RGS8: variants seen among roughly 807,000 people sequenced by gnomAD.
RGS8 encodes the protein regulator of G-protein signaling 8.
In RGS8, 8 loss-of-function variants were observed where a neutral mutation model predicts 21.7. The ratio of observed to expected loss-of-function variants is 0.37; its 90% confidence interval spans 0.22 to 0.66. RGS8 has a LOEUF of 0.66. RGS8 is among the 30% of genes least tolerant of loss of function. The pLI, the probability that RGS8 is intolerant of heterozygous loss-of-function variation, is 0.59. For synonymous variants in RGS8, 80 were observed against 83.6 expected (o/e 0.96, Z 0.24); for missense variants, 157 against 217.9 (o/e 0.72, Z 1.76).
intron 5 of RGS8, among the ~76,000 whole-genome samples, chr1:182,656,090 T>C (rs1011437610): frequency 2.0e-5 from 3 of 152,266 alleles, no homozygotes; most frequent in Non-Finnish European, 4.4e-5. Flanking sequence ...TAGTTCATTA[T>C]AAGCAGTCAA....
chr1:182,647,946 G>A (rs1662781837), intron 6 of RGS8, among the ~76,000 whole-genome samples, 191 bp downstream of exon 7: 1 of 152,138 alleles, frequency 6.6e-6, no homozygotes, highest in Non-Finnish European at 1.5e-5. Flanking sequence ...ACTCCTAATG[G>A]AGCTCCTTTG....
the RGS8 span, among the ~76,000 whole-genome samples, chr1:182,751,679 G>A: frequency 1.3e-5 from 2 of 152,032 alleles, no homozygotes. Flanking sequence ...AGCCTAGATT[G>A]GTCTGAATTT....
intron 1 of RGS8, among the ~76,000 whole-genome samples, chr1:182,678,048 A>G (rs1414979531): frequency 1.3e-5 from 2 of 152,246 alleles, no homozygotes; most frequent in African/African-American, 4.8e-5. Context: ...GAGAAAATCT[A>G]AACACTGATT....
At chr1:182,646,498 G>T in exon 7 of RGS8, 1 of 476,402 alleles carries the variant, frequency 2.1e-6, no homozygotes, top group Non-Finnish European at 3.7e-6. Context: ...ACCCAGAAAA[G>T]GGTGACAGCG....
the RGS8 span, among the ~76,000 whole-genome samples, chr1:182,727,134 CAT>C: frequency 6.6e-6 from 1 of 152,208 alleles, no homozygotes; most frequent in Non-Finnish European, 1.5e-5. Flanking sequence ...AGGTATATCT[CAT>C]ATAAGAAATC....
chr1:182,747,253 G>T, the RGS8 span, among the ~76,000 whole-genome samples: 1 of 151,374 alleles, frequency 6.6e-6, no homozygotes, highest in South Asian at 2.1e-4. Flanking sequence ...ATTATGAATT[G>T]AACCAGGAGA....
chr1:182,684,079 T>G lies in RGS8; in HGVS notation n.221+277A>C, dbSNP rs1487499468. ...GCAGGTGTTAGGGGACCTGAGGAGTTAGGGTTGAGGAAGGAGGATGGAGAA... is the reference window on the plus strand; with the variant it reads ...GCAGGTGTTAGGGGACCTGAGGAGTGAGGGTTGAGGAAGGAGGATGGAGAA... On this transcript the variant is annotated intron_variant and non_coding_transcript_variant, in intron 1 of 4. Transcript: ENST00000515211. The surrounding 1 kb of genome is among the most constrained non-coding windows in gnomAD (Gnocchi z 4.2). Among the ~76,000 whole-genome samples, 1 of 152,086 alleles carries G rather than the reference T, an allele frequency of 6.6e-6. No homozygotes were observed. Among genetic ancestry groups the G allele is most frequent in the Non-Finnish European group, 1.5e-5 (1 of 68,002 alleles).
At chr1:182,666,303 T>C (rs1403286609) in intron 4 of RGS8, among the ~76,000 whole-genome samples, 1 of 152,188 alleles carries the variant, frequency 6.6e-6, no homozygotes, top group Admixed American at 6.5e-5. Context: ...AGTACATGAT[T>C]TAAAGGTATC....
intron 5 of RGS8, among the ~76,000 whole-genome samples, chr1:182,662,713 G>C (rs768104464): frequency 6.6e-6 from 1 of 152,154 alleles, no homozygotes. Flanking sequence ...GCCACCCAGC[G>C]TGTAGTCAGC....
At chr1:182,647,285 C>T (rs1032345602) in intron 6 of RGS8, among the ~76,000 whole-genome samples, 9 of 152,216 alleles carry the variant, frequency 5.9e-5, no homozygotes, top group Non-Finnish European at 1.0e-4. Flanking sequence ...GTTGCTAACG[C>T]AAGTCCCCTG....
the RGS8 span, among the ~76,000 whole-genome samples, chr1:182,749,200 T>C: frequency 6.6e-6 from 1 of 152,234 alleles, no homozygotes; most frequent in Admixed American, 6.5e-5. Context: ...TCCTGTGTTG[T>C]CTTCTAGTCG....
At chr1:182,649,424 T>A (rs16859365) in intron 5 of RGS8, among the ~76,000 whole-genome samples, 1 of 152,000 alleles carries the variant, frequency 6.6e-6, no homozygotes, top group Non-Finnish European at 1.5e-5. Flanking sequence ...AAGCCTCTTT[T>A]AAAAAAAACC....
upstream of RGS8, among the ~76,000 whole-genome samples, chr1:182,689,264 G>GACACACACACACACACACAC (rs34000229): frequency 1.6e-5 from 2 of 125,772 alleles, no homozygotes; most frequent in African/African-American, 5.5e-5. Context: ...CACACACACA[G>GACACACACACACACACACAC]ACACACACAC....
the RGS8 span, among the ~76,000 whole-genome samples, chr1:182,729,476 A>G: frequency 6.6e-6 from 1 of 152,232 alleles, no homozygotes; most frequent in Non-Finnish European, 1.5e-5. Context: ...TCTCATTTAC[A>G]TTTAGTAACT....
chr1:182,720,620 C>T, the RGS8 span, among the ~76,000 whole-genome samples: 1 of 152,092 alleles, frequency 6.6e-6, no homozygotes, highest in African/African-American at 2.4e-5. Context: ...AAATGCACTA[C>T]CACTGTTCAC....
At chr1:182,739,351 A>G in the RGS8 span, among the ~76,000 whole-genome samples, 10 of 152,170 alleles carry the variant, frequency 6.6e-5, no homozygotes, top group East Asian at 1.4e-3. Flanking sequence ...TTTCTCCCCA[A>G]CGCTGTCATC....
chr1:182,689,990 T>G, the RGS8 span, among the ~76,000 whole-genome samples: 8 of 152,196 alleles, frequency 5.3e-5, no homozygotes, highest in African/African-American at 1.9e-4. Context: ...TCATTTTTCT[T>G]ATTCCATTTC....
upstream of RGS8, among the ~76,000 whole-genome samples, chr1:182,674,005 C>T (rs1397314006): frequency 6.6e-6 from 1 of 152,206 alleles, no homozygotes; most frequent in African/African-American, 2.4e-5. Flanking sequence ...CTCCCTTTTA[C>T]AGATGGAGAA....
At chr1:182,703,725 C>T in the RGS8 span, among the ~76,000 whole-genome samples, 4 of 152,172 alleles carry the variant, frequency 2.6e-5, no homozygotes, top group Non-Finnish European at 5.9e-5. Flanking sequence ...TTTGTTTACA[C>T]AAGTGCATTT....
Sources: allele counts gnomAD v4.1 joint callset (sites outside exome capture counted in the v4.1 genomes callset), GRCh38; gene constraint gnomAD v4.1.1; non-coding constraint Gnocchi (gnomAD v3.1); transcripts MANE v1.5; gene names NCBI Gene and HGNC (gene_info 2026-07-23, HGNC 2026-07-21).